C13orf42: variants seen among roughly 807,000 people sequenced by gnomAD.
C13orf42 encodes uncharacterized protein C13orf42.
intron 1 of C13orf42, among the ~76,000 whole-genome samples, chr13:51,158,085 C>T (rs1052063031): frequency 1.3e-5 from 2 of 152,216 alleles, no homozygotes; most frequent in African/African-American, 4.8e-5. Flanking sequence ...TTCTTGTATT[C>T]ATTCCTTCAA....
At chr13:51,126,483 C>A (rs887846293) in intron 1 of C13orf42, among the ~76,000 whole-genome samples, 3 of 152,184 alleles carry the variant, frequency 2.0e-5, no homozygotes, top group Non-Finnish European at 2.9e-5. Context: ...GAAGTTAAAA[C>A]ATTCCAGAAT....
chr13:51,118,774 C>T (rs910930913), intron 1 of C13orf42, among the ~76,000 whole-genome samples: 5 of 152,168 alleles, frequency 3.3e-5, no homozygotes, highest in Non-Finnish European at 7.3e-5. Context: ...AATAGATGAT[C>T]TTGTAGCCTA....
At chr13:51,154,499 T>C (rs1437208325) in intron 1 of C13orf42, among the ~76,000 whole-genome samples, 1 of 152,174 alleles carries the variant, frequency 6.6e-6, no homozygotes, top group Non-Finnish European at 1.5e-5. Flanking sequence ...ACTGTTCTGC[T>C]TCAGCCAATG....
intron 1 of C13orf42, among the ~76,000 whole-genome samples, chr13:51,101,337 C>T (rs1396172389): frequency 6.6e-6 from 1 of 152,088 alleles, no homozygotes; most frequent in African/African-American, 2.4e-5. Context: ...TTATTTTCTT[C>T]CCTATACTTT....
At chr13:51,095,386 G>T (rs1333772189) in intron 1 of C13orf42, among the ~76,000 whole-genome samples, 2 of 151,768 alleles carry the variant, frequency 1.3e-5, no homozygotes, top group African/African-American at 4.8e-5. Context: ...CATTAATTTG[G>T]GGGAAAATCT....
chr13:51,086,945 A>G (rs954430351), intron 2 of C13orf42, among the ~76,000 whole-genome samples: 8 of 152,264 alleles, frequency 5.3e-5, no homozygotes, highest in African/African-American at 1.9e-4. Flanking sequence ...CCACAGATAC[A>G]CATCTATCAA....
At chr13:51,154,830 T>A (rs1032750420) in intron 1 of C13orf42, among the ~76,000 whole-genome samples, 6 of 152,174 alleles carry the variant, frequency 3.9e-5, no homozygotes, top group African/African-American at 1.2e-4. Context: ...AATTGCACAT[T>A]CGACGGTTTC....
At chr13:51,130,862 A>AAAAAT (rs1555267618) in intron 1 of C13orf42, among the ~76,000 whole-genome samples, 37 of 148,240 alleles carry the variant, frequency 2.5e-4, no homozygotes, top group African/African-American at 8.4e-4. Flanking sequence ...GTAAAAAAAA[A>AAAAAT]ATATATATAT....
chr13:51,100,170 T>C (rs543535674), intron 1 of C13orf42, among the ~76,000 whole-genome samples: 2 of 150,172 alleles, frequency 1.3e-5, no homozygotes, highest in African/African-American at 4.9e-5. Context: ...TTGGTTTTTT[T>C]TAAAAAAAAA....
intron 1 of C13orf42, among the ~76,000 whole-genome samples, chr13:51,105,260 T>C (rs1475893373): frequency 6.6e-6 from 1 of 152,212 alleles, no homozygotes; most frequent in Non-Finnish European, 1.5e-5. Flanking sequence ...CCACACCCTG[T>C]GTGGTTACAG....
At chr13:51,097,170 A>T (rs2137986179) in intron 1 of C13orf42, among the ~76,000 whole-genome samples, 1 of 152,304 alleles carries the variant, frequency 6.6e-6, no homozygotes, top group African/African-American at 2.4e-5. Flanking sequence ...ACAATCCCTT[A>T]TTGATAGATC....
chr13:51,120,415 G>A (rs1168048972), intron 1 of C13orf42, among the ~76,000 whole-genome samples: 1 of 152,224 alleles, frequency 6.6e-6, no homozygotes, highest in Non-Finnish European at 1.5e-5. Context: ...CACCGGGGCA[G>A]GAATTGTGAA....
At chr13:51,115,056 T>C (rs1953477002), upstream of C13orf42, among the ~76,000 whole-genome samples, 1 of 152,088 alleles carries the variant, frequency 6.6e-6, no homozygotes, top group Admixed American at 6.5e-5. Context: ...GCACTTAATA[T>C]GCATATTTGC....
intron 1 of C13orf42, among the ~76,000 whole-genome samples, chr13:51,109,783 A>G (rs565474903): frequency 1.3e-4 from 20 of 152,188 alleles, no homozygotes; most frequent in African/African-American, 4.8e-4. Context: ...GAAATAAAGG[A>G]AAGAGTAACT....
intron 1 of C13orf42, among the ~76,000 whole-genome samples, chr13:51,118,936 T>G (rs143690963): frequency 8.6e-5 from 13 of 151,872 alleles, no homozygotes; most frequent in Admixed American, 2.0e-4. Context: ...CCCAAGTGTA[T>G]GGCATGCTCT....
At chr13:51,104,843 A>G (rs989849806) in intron 1 of C13orf42, among the ~76,000 whole-genome samples, 7 of 152,094 alleles carry the variant, frequency 4.6e-5, no homozygotes, top group Non-Finnish European at 1.0e-4. Flanking sequence ...GAGAAGTAAA[A>G]TAACCCAAGG....
At chr13:51,089,355 C>T (rs1425824214) in intron 1 of C13orf42, among the ~76,000 whole-genome samples, 3 of 152,106 alleles carry the variant, frequency 2.0e-5, no homozygotes, top group Admixed American at 1.3e-4. Flanking sequence ...TATGATTTGG[C>T]TCTGTGTCCC....
chr13:51,143,944 T>A (rs1953716213), intron 1 of C13orf42, among the ~76,000 whole-genome samples: 1 of 152,200 alleles, frequency 6.6e-6, no homozygotes, highest in African/African-American at 2.4e-5. Flanking sequence ...GTAATTCTGA[T>A]ATAACTTAGT....
At chr13:51,135,106 C>T (rs968374388) in intron 1 of C13orf42, among the ~76,000 whole-genome samples, 9 of 152,180 alleles carry the variant, frequency 5.9e-5, no homozygotes, top group East Asian at 5.8e-4. Flanking sequence ...TTTTCAGGGC[C>T]GGCTCTGGAG....
Sources: gnomAD v4.1 joint callset for allele counts (sites outside exome capture counted in the v4.1 genomes callset) on GRCh38, gnomAD v4.1.1 for gene constraint, MANE v1.5 for transcripts, NCBI Gene and HGNC (gene_info 2026-07-23, HGNC 2026-07-21) for gene names.